Variants in MAGEC3 observed in about 807,000 individuals in gnomAD.
MAGEC3 encodes MAGE family member C3.
A neutral mutation model predicts 35.3 loss-of-function variants in MAGEC3; 34 were observed. The observed-to-expected ratio is 0.96, with a 90% CI of 0.73 to 1.28. The LOEUF is 1.28. Ranked by LOEUF, MAGEC3 falls within the 50% of genes most tolerant of loss-of-function variation. MAGEC3 has a pLI of 0.00. For missense variants in MAGEC3, 561 were observed against 483.6 expected (o/e 1.16, Z -1.50); for synonymous variants, 202 against 185.6 (o/e 1.09, Z -0.72).
rs184987930 is a variant in MAGEC3 at position 141,849,349 on chromosome X, A to G, written c.123+10911A>G. On this transcript the variant is annotated intron_variant, in intron 1 of 7. Transcript: ENST00000298296. ...TATCCTAAAAGAAAACCTAGGAAAC[A>G]CTTTTTTTGACATTGACTTTGGCAA... Among the ~76,000 whole-genome samples the G allele has an allele frequency of 3.7e-4, 41 of 110,884 alleles. No homozygotes were observed. In the East Asian group the frequency reaches 0.01, roughly 28 times the overall value.
intron 1 of MAGEC3, among the ~76,000 whole-genome samples, chrX:141,858,464 A>T (rs1008045418): frequency 7.2e-5 from 8 of 111,498 alleles, no homozygotes; most frequent in African/African-American, 2.6e-4. Flanking sequence ...CATATAATCA[A>T]CAATCTCTAA....
intron 1 of MAGEC3, chrX:141,839,334 G>A: frequency 1.5e-6 from 1 of 673,770 alleles, no homozygotes; most frequent in Non-Finnish European, 1.8e-6. Flanking sequence ...AATGCCTCTA[G>A]TCTGCCATAT....
chrX:141,884,957 C>T (rs1404932497), intron 4 of MAGEC3, among the ~76,000 whole-genome samples: 1 of 111,456 alleles, frequency 9.0e-6, no homozygotes, highest in Non-Finnish European at 1.9e-5. Flanking sequence ...GTCTTATCTC[C>T]TGTAGAGAAA....
At chrX:141,897,553 C>T in intron 7 of MAGEC3, 67 bp downstream of exon 7, 2 of 1,194,834 alleles carry the variant, frequency 1.7e-6, no homozygotes, top group Non-Finnish European at 2.3e-6. Context: ...ACATTGGGTG[C>T]AGAGAAAGTA....
intron 1 of MAGEC3, among the ~76,000 whole-genome samples, chrX:141,843,039 C>T (rs754279718): frequency 1.8e-5 from 2 of 112,110 alleles, no homozygotes; most frequent in African/African-American, 3.2e-5. Flanking sequence ...AATAAATCTA[C>T]GTTCTTGAAA....
intron 1 of MAGEC3, among the ~76,000 whole-genome samples, chrX:141,863,631 A>G (rs2017829419): frequency 8.9e-6 from 1 of 111,782 alleles, no homozygotes; most frequent in East Asian, 2.8e-4. Context: ...AATATTCTAG[A>G]ACATAAAGCC....
At chrX:141,864,862 A>G (rs1289509184) in intron 1 of MAGEC3, among the ~76,000 whole-genome samples, 1 of 112,098 alleles carries the variant, frequency 8.9e-6, no homozygotes, top group Non-Finnish European at 1.9e-5. Flanking sequence ...AGGAAACACA[A>G]TAGTGTTCAA....
intron 1 of MAGEC3, among the ~76,000 whole-genome samples, chrX:141,864,458 GATC>G (rs2017835669): frequency 1.8e-5 from 2 of 111,568 alleles, no homozygotes; most frequent in East Asian, 5.6e-4. Flanking sequence ...TTTATAATGA[GATC>G]ATGTTCTTTG....
At position 141,865,509 on chromosome X, in the gene MAGEC3, T is replaced by A. The variant is rs1285865695; in HGVS notation, c.162T>A (p.Phe54Leu). Residue 54 changes from phenylalanine to leucine, a missense_variant, in exon 2 of 8, where the codon TTT becomes TTA. Transcript: ENST00000298296. The stretch of plus-strand genomic sequence containing the variant: ...CCACAGATAAGGACTATTCTGCCTT[T>A]CATCTTGGGCATCTGAGGGAGGTGA... ...KKATDKDYSA[F>L]HLGHLREVRL... 2 of 1,209,124 alleles carry A rather than the reference T, an allele frequency of 1.7e-6. No individual in the cohort carries two copies. The highest frequency in any genetic ancestry group is 3.5e-5 in the African/African-American group (2 of 56,971).
At chrX:141,876,445 G>A (rs749786747) in intron 2 of MAGEC3, among the ~76,000 whole-genome samples, 2 of 111,695 alleles carry the variant, frequency 1.8e-5, no homozygotes, top group East Asian at 5.7e-4. Context: ...GCTGAGACAA[G>A]GGGGCAGAAG....
At chrX:141,854,379 T>C (rs754729169) in intron 1 of MAGEC3, among the ~76,000 whole-genome samples, 7 of 111,026 alleles carry the variant, frequency 6.3e-5, no homozygotes, top group Non-Finnish European at 1.1e-4. Flanking sequence ...TAGGAGTAAC[T>C]AAGGTGATTG....
chrX:141,853,718 A>G (rs1383642127), intron 1 of MAGEC3, among the ~76,000 whole-genome samples: 1 of 111,366 alleles, frequency 9.0e-6, no homozygotes, highest in African/African-American at 3.3e-5. Flanking sequence ...CATGCAGGGT[A>G]AGGTTTTGTG....
At position 141,895,469 on chromosome X, in the gene MAGEC3, C is replaced by T. The variant is rs1396612009; in HGVS notation, c.1049-16C>T. The stretch of plus-strand genomic sequence containing the variant: ...CAAGGACAGAAGAAGCCCCGGTCTG[C>T]CCTGCGCTGCCATAGGACTTGCAGG... On this transcript the variant is annotated splice_polypyrimidine_tract_variant and intron_variant, in intron 5 of 7. Coordinates refer to ENST00000298296, the MANE Select transcript of MAGEC3 (RefSeq NM_138702.1). 2 of 1,210,651 alleles carry T rather than the reference C, an allele frequency of 1.7e-6. No individual in the cohort carries two copies. The highest frequency in any genetic ancestry group is 2.2e-5 in the Admixed American group (1 of 45,947).
intron 4 of MAGEC3, among the ~76,000 whole-genome samples, chrX:141,889,721 CTACCAA>C (rs1429600085): frequency 8.9e-6 from 1 of 111,897 alleles, no homozygotes; most frequent in Non-Finnish European, 1.9e-5. Context: ...CCAGGTAGGA[CTACCAA>C]TGGCCCAGAA....
chrX:141,894,329 TTAA>T (rs1456232198), intron 4 of MAGEC3, among the ~76,000 whole-genome samples: 2 of 111,755 alleles, frequency 1.8e-5, no homozygotes, highest in African/African-American at 3.3e-5. Context: ...ATAATAAAAA[TTAA>T]TGACATTAAA....
chrX:141,884,785 T>G (rs1269375043), intron 4 of MAGEC3, among the ~76,000 whole-genome samples: 1 of 111,833 alleles, frequency 8.9e-6, no homozygotes, highest in Non-Finnish European at 1.9e-5. Context: ...TTTAATACCT[T>G]TGACCATATG....
chrX:141,862,273 C>CA (rs983390871), intron 1 of MAGEC3, among the ~76,000 whole-genome samples: 47 of 108,161 alleles, frequency 4.3e-4, no homozygotes, highest in African/African-American at 1.1e-3. Context: ...TATGAAAAGA[C>CA]AAAAAAAAAT....
At chrX:141,880,038 C>G (rs1165273254) in intron 3 of MAGEC3, among the ~76,000 whole-genome samples, 4 of 111,239 alleles carry the variant, frequency 3.6e-5, no homozygotes, top group African/African-American at 1.3e-4. Flanking sequence ...CCAGTCAGCT[C>G]AGGCTGAGCG....
intron 4 of MAGEC3, among the ~76,000 whole-genome samples, chrX:141,890,707 GA>G (rs2018035529): frequency 1.8e-5 from 2 of 112,088 alleles, no homozygotes; most frequent in African/African-American, 3.2e-5. Context: ...CAAAAATGAG[GA>G]GACTTACTAT....
Sources: allele counts gnomAD v4.1 joint callset (sites outside exome capture counted in the v4.1 genomes callset), GRCh38; gene constraint gnomAD v4.1.1; transcripts MANE v1.5; gene names NCBI Gene and HGNC (gene_info 2026-07-23, HGNC 2026-07-21).